Variants in KLHL29 observed in about 807,000 individuals in gnomAD.
KLHL29 encodes the protein kelch-like protein 29.
In KLHL29, 21 loss-of-function variants were observed where a neutral mutation model predicts 80.4. That is an observed-to-expected ratio of 0.26 (90% CI 0.19 to 0.38). The LOEUF (loss-of-function observed/expected upper bound fraction) is 0.38, where lower values mean the gene tolerates loss of function less well. Among genes scored for constraint, KLHL29 ranks in the 10% least tolerant of loss-of-function variants. KLHL29 has a pLI of 1.00. For synonymous variants in KLHL29, 511 were observed against 526.8 expected (o/e 0.97, Z 0.41); for missense variants, 867 against 1,223.9 (o/e 0.71, Z 4.35).
intron 1 of KLHL29, among the ~76,000 whole-genome samples, chr2:23,407,726 T>G (rs138668527): frequency 6.6e-6 from 1 of 152,346 alleles, no homozygotes; most frequent in Non-Finnish European, 1.5e-5. Context: ...CTAATTGTTT[T>G]GCAATTCATT....
chr2:23,605,164 T>C (rs1414977631), intron 3 of KLHL29, among the ~76,000 whole-genome samples: 2 of 141,578 alleles, frequency 1.4e-5, no homozygotes, highest in Non-Finnish European at 3.0e-5. Context: ...CAGATTGCAG[T>C]GCAGTGGCAC....
At chr2:23,456,796 A>G (rs1013475454) in intron 1 of KLHL29, among the ~76,000 whole-genome samples, 2 of 152,128 alleles carry the variant, frequency 1.3e-5, no homozygotes, top group Non-Finnish European at 2.9e-5. Context: ...GCACTTGGAG[A>G]TGTTTCCAGG....
intron 2 of KLHL29, among the ~76,000 whole-genome samples, chr2:23,543,318 A>T (rs1381615206): frequency 1.3e-5 from 2 of 152,160 alleles, no homozygotes; most frequent in Non-Finnish European, 2.9e-5. Flanking sequence ...AAGAAAGAGG[A>T]GGGCACAGAC....
chr2:23,703,684 G>A (rs1572538380), intron 12 of KLHL29, 35 bp from the exon 13 acceptor site: 3 of 1,507,834 alleles, frequency 2.0e-6, no homozygotes, highest in Non-Finnish European at 1.8e-6. Context: ...TCCAAGACAA[G>A]CTGCCGTGAC....
intron 6 of KLHL29, among the ~76,000 whole-genome samples, chr2:23,687,763 G>A (rs556294693): frequency 5.4e-4 from 83 of 152,322 alleles, no homozygotes; most frequent in Non-Finnish European, 1.0e-3. Context: ...GCGGGAGGGG[G>A]TCTCAGGTCC....
chr2:23,639,107 G>C, intron 3 of KLHL29, 32 bp from the exon 4 acceptor site: 1 of 1,504,378 alleles, frequency 6.6e-7, no homozygotes, highest in Non-Finnish European at 8.9e-7. Flanking sequence ...CTCTGGCCAG[G>C]CTATGCTCAC....
rs1340977921 is a variant in KLHL29, at chr2:23,503,324, G to A, written c.-46+27657G>A. 2.0e-5 allele frequency among the ~76,000 whole-genome samples: 3 copies of A among 152,128 alleles called. No individual in the cohort carries two copies. The highest frequency in any genetic ancestry group is 4.8e-5 in the African/African-American group (2 of 41,436). ...TGTGTCTCGGTTGCCCCATCTGAGCGAGAGGCTGGACTAAAAGGTCACTAA... is the reference window on the plus strand; with the variant it reads ...TGTGTCTCGGTTGCCCCATCTGAGCAAGAGGCTGGACTAAAAGGTCACTAA... On this transcript the variant is annotated intron_variant, in intron 2 of 13. Coordinates refer to ENST00000486442, the MANE Select transcript of KLHL29 (RefSeq NM_052920.2). The surrounding 1 kb of genome is among the most constrained non-coding windows in gnomAD (Gnocchi z 4.0).
At chr2:23,627,286 C>G (rs1337411473) in intron 3 of KLHL29, among the ~76,000 whole-genome samples, 1 of 152,216 alleles carries the variant, frequency 6.6e-6, no homozygotes, top group South Asian at 2.1e-4. Context: ...CAATTCTGAA[C>G]CAAGGTGGGG....
At chr2:23,493,577 CTT>C (rs1213748670) in intron 2 of KLHL29, among the ~76,000 whole-genome samples, 10 of 152,128 alleles carry the variant, frequency 6.6e-5, no homozygotes, top group Admixed American at 3.3e-4. Context: ...TTTTTTAAAT[CTT>C]TGATTAAATA....
At chr2:23,607,618 A>T (rs900701523) in intron 3 of KLHL29, among the ~76,000 whole-genome samples, 5 of 152,224 alleles carry the variant, frequency 3.3e-5, no homozygotes, top group Non-Finnish European at 5.9e-5. Flanking sequence ...AAACAGGTGC[A>T]CAGCAGGTGA....
chr2:23,693,219 C>T, intron 7 of KLHL29, 50 bp from the exon 8 acceptor site: 1 of 1,508,528 alleles, frequency 6.6e-7, no homozygotes, highest in East Asian at 2.5e-5. Context: ...GAACAGGTGG[C>T]AACTGCTTCC....
rs1429467916 is a variant in KLHL29 at position 23,693,458 on chromosome 2, C to A, written c.1472C>A (p.Thr491Asn). 3 of 1,551,696 alleles carry A rather than the reference C, an allele frequency of 1.9e-6. No individual in the cohort carries two copies. Reference protein sequence around the residue: ...IAYVSNDSLNTKAEELVYETV... With the variant: ...IAYVSNDSLNNKAEELVYETV... ...TACGTCTCCAACGACAGCCTCAACA[C>A]CAAGGCTGAGGAGCTGGTGTACGAG... The change falls in exon 8 of 14, where the codon ACC (threonine) becomes AAC (asparagine). Residue 491 changes from threonine (T) to asparagine (N), a missense_variant. Thr to Asn is a moderately conservative substitution (Grantham distance 65). This residue lies in a region of KLHL29 where 443 missense variants were observed against 767.0 expected (regional missense o/e 0.58). Coordinates refer to ENST00000486442, the MANE Select transcript of KLHL29 (RefSeq NM_052920.2).
intron 1 of KLHL29, among the ~76,000 whole-genome samples, chr2:23,465,901 C>T (rs1368955221): frequency 3.3e-5 from 5 of 151,966 alleles, no homozygotes; most frequent in Admixed American, 6.5e-5. Flanking sequence ...CCTTATCTGT[C>T]CCCTATTTCT....
chr2:23,583,369 G>A (rs1179647516), intron 3 of KLHL29, among the ~76,000 whole-genome samples: 1 of 152,216 alleles, frequency 6.6e-6, no homozygotes, highest in Non-Finnish European at 1.5e-5. Flanking sequence ...GGAGCAGCAG[G>A]CTGACCTGCT....
intron 3 of KLHL29, among the ~76,000 whole-genome samples, chr2:23,577,997 CT>C (rs1257319519): frequency 2.6e-5 from 4 of 152,176 alleles, no homozygotes; most frequent in Non-Finnish European, 5.9e-5. Flanking sequence ...CATGGCCGAC[CT>C]CGTGGGCCAT....
intron 2 of KLHL29, among the ~76,000 whole-genome samples, chr2:23,494,134 A>G (rs936179793): frequency 1.3e-5 from 2 of 152,222 alleles, no homozygotes; most frequent in African/African-American, 2.4e-5. Context: ...TAATTCCATT[A>G]ATAACAAACT....
chr2:23,604,939 C>A (rs972658800), intron 3 of KLHL29, among the ~76,000 whole-genome samples: 3 of 152,082 alleles, frequency 2.0e-5, no homozygotes, highest in East Asian at 3.9e-4. Context: ...AGGGCCAGGC[C>A]CCTCTGATGG....
chr2:23,703,636 C>G lies in KLHL29; in HGVS notation c.2300-83C>G, dbSNP rs77064076. 6 of 1,438,698 alleles carry G rather than the reference C, an allele frequency of 4.2e-6. No homozygotes were observed. In the African/African-American group the frequency reaches 8.5e-5, roughly 20 times the overall value. 89.1% of individuals were successfully genotyped at this position (1,438,698 alleles called of 1,614,324 possible). A position where few individuals can be genotyped will look rare whatever the true frequency, so the allele number is the denominator to read the frequency against. On this transcript the variant is annotated intron_variant, in intron 12 of 13. Coordinates refer to ENST00000486442, the MANE Select transcript of KLHL29 (RefSeq NM_052920.2). ...TGTTGGAAGTCTTTCGAGCTTCCTT[C>G]CCTGGAGGGTCTTCTGGGAAAGAAA...
intron 1 of KLHL29, among the ~76,000 whole-genome samples, chr2:23,426,144 G>A (rs1236849545): frequency 6.6e-6 from 1 of 152,168 alleles, no homozygotes; most frequent in Non-Finnish European, 1.5e-5. Context: ...GGAAGGCTGT[G>A]GGAAGCGGGG....
Sources: gnomAD v4.1 joint callset for allele counts (sites outside exome capture counted in the v4.1 genomes callset) on GRCh38, gnomAD v4.1.1 for gene constraint, gnomAD v4.1.1 regional missense constraint, Gnocchi (gnomAD v3.1) non-coding constraint, MANE v1.5 for transcripts, NCBI Gene and HGNC (gene_info 2026-07-23, HGNC 2026-07-21) for gene names.